Variants in DGKH observed in about 807,000 individuals in gnomAD.
The protein encoded by DGKH is diacylglycerol kinase eta.
In DGKH, 90 loss-of-function variants were observed where a neutral mutation model predicts 159.3. That is an observed-to-expected ratio of 0.57 (90% CI 0.48 to 0.67). DGKH has a LOEUF of 0.67. DGKH is among the 30% of genes least tolerant of loss of function. The pLI, the probability that DGKH is intolerant of heterozygous loss-of-function variation, is 0.00. For missense variants in DGKH, 1,181 were observed against 1,506.1 expected (o/e 0.78, Z 3.57); for synonymous variants, 536 against 553.8 (o/e 0.97, Z 0.45).
At chr13:42,145,990 C>T (rs1955718411) in intron 3 of DGKH, among the ~76,000 whole-genome samples, 1 of 152,050 alleles carries the variant, frequency 6.6e-6, no homozygotes, top group Admixed American at 6.5e-5. Flanking sequence ...AAAATTCCGC[C>T]AGTAAAGGGT....
At chr13:42,073,241 A>T (rs1883091546) in intron 1 of DGKH, among the ~76,000 whole-genome samples, 1 of 152,196 alleles carries the variant, frequency 6.6e-6, no homozygotes, top group Non-Finnish European at 1.5e-5. Context: ...CAGGGTATGC[A>T]GTGTATTAAT....
chr13:42,119,553 CTT>C (rs1955026816), intron 1 of DGKH, among the ~76,000 whole-genome samples: 1 of 152,184 alleles, frequency 6.6e-6, no homozygotes, highest in Non-Finnish European at 1.5e-5. Context: ...CTCTCACTAA[CTT>C]TGTTAGACTA....
At chr13:42,141,857 C>G (rs1955571006) in intron 3 of DGKH, among the ~76,000 whole-genome samples, 1 of 151,890 alleles carries the variant, frequency 6.6e-6, no homozygotes, top group Non-Finnish European at 1.5e-5. Context: ...CCTGTTCACT[C>G]TGATGGTAGT....
chr13:42,088,590 C>T (rs540688726), intron 1 of DGKH, among the ~76,000 whole-genome samples: 1 of 151,688 alleles, frequency 6.6e-6, no homozygotes. Flanking sequence ...ATATAGTAAA[C>T]CTTAGAGAAA....
At chr13:42,219,452 ATAC>A in intron 27 of DGKH, 103 bp downstream of exon 27, 1 of 1,483,256 alleles carries the variant, frequency 6.7e-7, no homozygotes, top group Non-Finnish European at 9.1e-7. Flanking sequence ...TGAATTTTGA[ATAC>A]TACTTTCAAA....
At chr13:42,099,975 A>G (rs561431814) in intron 1 of DGKH, among the ~76,000 whole-genome samples, 33 of 152,334 alleles carry the variant, frequency 2.2e-4, no homozygotes, top group African/African-American at 7.9e-4. Flanking sequence ...GCAAACAGAT[A>G]CATTATTGTG....
intron 1 of DGKH, among the ~76,000 whole-genome samples, chr13:42,064,548 G>T (rs1169749019): frequency 6.6e-6 from 1 of 152,136 alleles, no homozygotes; most frequent in Non-Finnish European, 1.5e-5. Flanking sequence ...AAGAGTGAGG[G>T]CTCGAGTCAG....
At chr13:42,157,979 C>T (rs929255708) in intron 5 of DGKH, among the ~76,000 whole-genome samples, 13 of 152,140 alleles carry the variant, frequency 8.5e-5, no homozygotes, top group Admixed American at 1.3e-4. Context: ...AGGCTGGTCT[C>T]AAACTCCTGA....
intron 29 of DGKH, among the ~76,000 whole-genome samples, chr13:42,248,195 G>A (rs1043457187): frequency 6.6e-6 from 1 of 152,082 alleles, no homozygotes; most frequent in Non-Finnish European, 1.5e-5. Flanking sequence ...GCCCAGGCAG[G>A]CCTATCATTT....
intron 5 of DGKH, among the ~76,000 whole-genome samples, chr13:42,157,252 T>A (rs2137962712): frequency 6.6e-6 from 1 of 152,300 alleles, no homozygotes; most frequent in East Asian, 1.9e-4. Flanking sequence ...TCCTACCAGG[T>A]CTGTAATATG....
chr13:42,214,339 T>C (rs963576028), intron 24 of DGKH, among the ~76,000 whole-genome samples, 168 bp from the exon 25 acceptor site: 5 of 152,216 alleles, frequency 3.3e-5, no homozygotes, highest in African/African-American at 1.2e-4. Flanking sequence ...GGGGTCTGGA[T>C]TTATAGATCT....
intron 24 of DGKH, among the ~76,000 whole-genome samples, chr13:42,213,538 C>G (rs1957716603): frequency 6.6e-6 from 1 of 152,060 alleles, no homozygotes; most frequent in Non-Finnish European, 1.5e-5. Context: ...GAAAAATAGC[C>G]CATTCTTCAT....
At chr13:42,077,345 A>T (rs1258749961) in intron 1 of DGKH, among the ~76,000 whole-genome samples, 1 of 152,182 alleles carries the variant, frequency 6.6e-6, no homozygotes, top group Non-Finnish European at 1.5e-5. Context: ...AGAATACTTA[A>T]ACATGAGTTG....
At chr13:42,161,962 C>T (rs1339410759) in intron 7 of DGKH, among the ~76,000 whole-genome samples, 2 of 152,082 alleles carry the variant, frequency 1.3e-5, no homozygotes. Flanking sequence ...ATTACTTGCT[C>T]ATTCTATTCA....
chr13:42,040,953 C>A (rs1277290254), intron 1 of DGKH, among the ~76,000 whole-genome samples: 1 of 150,960 alleles, frequency 6.6e-6, no homozygotes, highest in Non-Finnish European at 1.5e-5. Flanking sequence ...GTGGGTACCG[C>A]GCCCGCGCCC....
rs138630880 is a variant in DGKH, at chr13:42,154,216, G to A, written c.385-1075G>A. Among the ~76,000 whole-genome samples, 703 of 152,244 alleles carry A rather than the reference G, an allele frequency of 4.6e-3. 3 individuals carry two copies. The highest frequency in any genetic ancestry group is 6.4e-3 in the South Asian group (31 of 4,824). On this transcript the variant is annotated intron_variant, in intron 3 of 29. Transcript: ENST00000337343. The stretch of plus-strand genomic sequence containing the variant: ...TTTAGACTTATCACTTGATCAAGAA[G>A]CTTTTAACTTGAGAAAAATTCTTAT...
intron 1 of DGKH, among the ~76,000 whole-genome samples, chr13:42,124,159 T>C (rs1442367111): frequency 6.6e-6 from 1 of 152,200 alleles, no homozygotes; most frequent in African/African-American, 2.4e-5. Flanking sequence ...ATATGACATT[T>C]AAAATATACA....
chr13:42,180,711 T>C (rs1011727744), intron 13 of DGKH, among the ~76,000 whole-genome samples: 13 of 152,224 alleles, frequency 8.5e-5, no homozygotes, highest in Admixed American at 8.5e-4. Flanking sequence ...CTCACTCATC[T>C]ATGCTTCCAG....
intron 24 of DGKH, among the ~76,000 whole-genome samples, chr13:42,213,244 A>G (rs1269563788): frequency 6.6e-6 from 1 of 152,176 alleles, no homozygotes; most frequent in Non-Finnish European, 1.5e-5. Context: ...ACAGTTTAGG[A>G]TTTAAAATTG....
Sources: gnomAD v4.1 joint callset for allele counts (sites outside exome capture counted in the v4.1 genomes callset) on GRCh38, gnomAD v4.1.1 for gene constraint, MANE v1.5 for transcripts, NCBI Gene and HGNC (gene_info 2026-07-23, HGNC 2026-07-21) for gene names.